Variants in ZCCHC14 observed in about 807,000 individuals in gnomAD.
ZCCHC14 encodes zinc finger CCHC domain-containing protein 14.
In ZCCHC14, 16 loss-of-function variants were observed where a neutral mutation model predicts 85.0. That is an observed-to-expected ratio of 0.19 (90% CI 0.13 to 0.29). The LOEUF (loss-of-function observed/expected upper bound fraction) is 0.29. Ranked by LOEUF, ZCCHC14 falls within the 10% of genes least tolerant of loss-of-function variation. ZCCHC14 has a pLI of 1.00. For missense variants in ZCCHC14, 1,303 were observed against 1,443.5 expected, an observed-to-expected ratio of 0.90 and a Z score of 1.58; for synonymous variants, 775 against 630.7, an observed-to-expected ratio of 1.23 and a Z score of -3.43.
intron 3 of ZCCHC14, 40 bp from the exon 4 acceptor site, chr16:87,423,921 C>T: frequency 6.2e-7 from 1 of 1,605,428 alleles, no homozygotes; most frequent in African/African-American, 1.3e-5. Context: ...GAAACAGACA[C>T]CACATACTTG....
chr16:87,466,529 T>C (rs1911527806), intron 1 of ZCCHC14, among the ~76,000 whole-genome samples: 1 of 152,208 alleles, frequency 6.6e-6, no homozygotes, highest in African/African-American at 2.4e-5. Context: ...AGAAACATAT[T>C]TTAAATGCAT....
intron 2 of ZCCHC14, among the ~76,000 whole-genome samples, chr16:87,459,377 C>G (rs1282987433): frequency 2.6e-5 from 4 of 151,490 alleles, no homozygotes; most frequent in Non-Finnish European, 4.4e-5. Flanking sequence ...TGTAATCTCA[C>G]TCTGTCACCC....
intron 1 of ZCCHC14, among the ~76,000 whole-genome samples, chr16:87,469,844 G>GAGCCACCCAC (rs543498950): frequency 8.6e-4 from 131 of 152,286 alleles, no homozygotes; most frequent in African/African-American, 3.1e-3. Flanking sequence ...GATGAGGACA[G>GAGCCACCCAC]AGCCACCCAC....
chr16:87,431,671 C>T (rs74757625), intron 3 of ZCCHC14, among the ~76,000 whole-genome samples: 10,786 of 152,172 alleles, frequency 0.071, 1,271 homozygotes, highest in African/African-American at 0.24. Flanking sequence ...AAGACAGCTC[C>T]GTGCACAGCA....
chr16:87,483,641 G>A (rs1346088742), intron 1 of ZCCHC14, among the ~76,000 whole-genome samples: 1 of 152,136 alleles, frequency 6.6e-6, no homozygotes, highest in Non-Finnish European at 1.5e-5. Flanking sequence ...ACCACACCAG[G>A]GCAAGTCTCC....
rs113069879 is a variant in ZCCHC14 at position 87,440,863 on chromosome 16, C to T, written c.695-7662G>A. On this transcript the variant is annotated intron_variant, in intron 2 of 12. Transcript: ENST00000671377. ...CTCCTGGACTCAAGTGATCTGCCTGCCTTGGCCTCCCAAAGTACTGGGCTT... is the reference window on the plus strand; with the variant it reads ...CTCCTGGACTCAAGTGATCTGCCTGTCTTGGCCTCCCAAAGTACTGGGCTT... Among the ~76,000 whole-genome samples the T allele has an allele frequency of 9.6e-3, 1,464 of 152,184 alleles. 17 individuals carry two copies. The highest frequency in any genetic ancestry group is 0.033 in the African/African-American group (1,365 of 41,514).
In ZCCHC14 at chr16:87,408,737, A is replaced by G. The variant is rs761922114; in HGVS notation, c.*1543T>C. The G allele has an allele frequency of 4.6e-5, 7 of 152,452 alleles. No homozygotes were observed. The highest frequency in any genetic ancestry group is 9.6e-5 in the African/African-American group (4 of 41,464). The allele number at this position is 152,452 out of a possible 1,614,324, so 9.4% of individuals were successfully genotyped here. A position where few individuals can be genotyped will look rare whatever the true frequency, so the allele number is the denominator to read the frequency against. On this transcript the variant is annotated 3_prime_UTR_variant, in exon 13 of 13. Coordinates refer to ENST00000671377, the MANE Select transcript of ZCCHC14 (RefSeq NM_015144.3). ...CTATGAAGTTAGGAACTGCTCTTCAAATTGAACGCTCACATCACAAGGCCT... is the reference window on the plus strand; with the variant it reads ...CTATGAAGTTAGGAACTGCTCTTCAGATTGAACGCTCACATCACAAGGCCT...
At chr16:87,457,406 G>A (rs1911027255) in intron 2 of ZCCHC14, among the ~76,000 whole-genome samples, 1 of 152,190 alleles carries the variant, frequency 6.6e-6, no homozygotes, top group Non-Finnish European at 1.5e-5. Flanking sequence ...TTTCTTATCT[G>A]TGACTCAGTT....
chr16:87,435,659 G>A (rs1180263657), intron 2 of ZCCHC14, among the ~76,000 whole-genome samples: 3 of 152,402 alleles, frequency 2.0e-5, no homozygotes, highest in African/African-American at 4.8e-5. Flanking sequence ...CGTGGAGCAC[G>A]AGGCAGCGGG....
Position 87,437,221 on chromosome 16 carries a change from A to T in ZCCHC14, c.695-4020T>A, listed in dbSNP as rs1343859191. ...CGTGGTGGCTCATGCCTGTAATCAC[A>T]GTTACTTGGGAGGCTGAGGCAGGAG... On this transcript the variant is annotated intron_variant, in intron 2 of 12. Coordinates refer to ENST00000671377, the MANE Select transcript of ZCCHC14 (RefSeq NM_015144.3). Among the ~76,000 whole-genome samples, 3 of 151,546 alleles carry T rather than the reference A, an allele frequency of 2.0e-5. No homozygotes were observed. In the East Asian group the frequency reaches 5.8e-4, roughly 29 times the overall value.
chr16:87,437,794 T>G (rs1005632314), intron 2 of ZCCHC14, among the ~76,000 whole-genome samples: 4 of 152,250 alleles, frequency 2.6e-5, no homozygotes, highest in African/African-American at 9.6e-5. Context: ...TCGACTATCA[T>G]TTTATAATTG....
intron 1 of ZCCHC14, among the ~76,000 whole-genome samples, chr16:87,488,498 A>C (rs1175793996): frequency 1.3e-5 from 2 of 152,250 alleles, no homozygotes; most frequent in African/African-American, 2.4e-5. Context: ...TCAGAATAAT[A>C]AGAATTTTTA....
At chr16:87,446,959 T>C (rs1910470154) in intron 2 of ZCCHC14, among the ~76,000 whole-genome samples, 1 of 152,106 alleles carries the variant, frequency 6.6e-6, no homozygotes, top group Non-Finnish European at 1.5e-5. Flanking sequence ...AGTGCTGGGA[T>C]TACAGGTATG....
At chr16:87,490,331 G>C (rs1912695508) in intron 1 of ZCCHC14, among the ~76,000 whole-genome samples, 1 of 152,206 alleles carries the variant, frequency 6.6e-6, no homozygotes, top group Admixed American at 6.5e-5. Flanking sequence ...ACTTCAAAGA[G>C]CTTAAAGACA....
At position 87,412,913 on chromosome 16, in the gene ZCCHC14, G is replaced by A; in HGVS notation, c.1808C>T (p.Thr603Ile). The A allele has an allele frequency of 2.5e-6, 4 of 1,601,868 alleles. No homozygotes were observed. Among genetic ancestry groups the A allele is most frequent in the South Asian group, 1.1e-5 (1 of 89,054 alleles). ...GGCCGTGGGTCTGGCGGAACTGGAA[G>A]TGAAGTGATTCAGCAGCATCACCGG... is the stretch of plus-strand genomic sequence containing the variant. ...EKPVMLLNHF[T>I]SSSARPTAQV... is the part of the protein sequence containing the mutation. Residue 603 changes from threonine to isoleucine, a missense_variant, in exon 12 of 13, where the codon ACT becomes ATT. Transcript: ENST00000671377.
chr16:87,476,643 G>C (rs1416300445), intron 1 of ZCCHC14, among the ~76,000 whole-genome samples: 1 of 149,550 alleles, frequency 6.7e-6, no homozygotes, highest in Non-Finnish European at 1.5e-5. Flanking sequence ...GGAATTCCAT[G>C]AATCTGCTTA....
chr16:87,465,574 C>A (rs879650078), intron 1 of ZCCHC14, among the ~76,000 whole-genome samples: 3 of 152,158 alleles, frequency 2.0e-5, no homozygotes, highest in Non-Finnish European at 2.9e-5. Flanking sequence ...TTGGGCAGCC[C>A]GCCTCTGGCT....
At chr16:87,464,323 C>G (rs1003174742) in intron 1 of ZCCHC14, among the ~76,000 whole-genome samples, 2 of 152,212 alleles carry the variant, frequency 1.3e-5, no homozygotes, top group African/African-American at 4.8e-5. Context: ...ATCAGAGTTT[C>G]TGGAAACGGG....
intron 3 of ZCCHC14, among the ~76,000 whole-genome samples, chr16:87,426,234 G>A (rs1018277857): frequency 1.6e-4 from 24 of 152,248 alleles, no homozygotes; most frequent in East Asian, 1.4e-3. Flanking sequence ...AAGGGGAACC[G>A]GCCGTTAGAG....
Sources: allele counts gnomAD v4.1 joint callset (sites outside exome capture counted in the v4.1 genomes callset), GRCh38; gene constraint gnomAD v4.1.1; transcripts MANE v1.5; gene names NCBI Gene and HGNC (gene_info 2026-07-23, HGNC 2026-07-21).